KCNK6: variants seen among roughly 807,000 people sequenced by gnomAD.
KCNK6 encodes potassium two pore domain channel subfamily K member 6.
In KCNK6, 20 loss-of-function variants were observed where a neutral mutation model predicts 21.9. That is an observed-to-expected ratio of 0.91 (90% CI 0.64 to 1.32). The LOEUF (loss-of-function observed/expected upper bound fraction) is 1.32, where lower values mean the gene tolerates loss of function less well. Ranked by LOEUF, KCNK6 falls within the 40% of genes most tolerant of loss-of-function variation. KCNK6 has a pLI of 0.00. For synonymous variants in KCNK6, 210 were observed against 218.0 expected (o/e 0.96, Z 0.32); for missense variants, 415 against 433.1 (o/e 0.96, Z 0.37).
Position 38,327,693 on chromosome 19 carries a change from C to A in KCNK6, c.*290C>A. ...TCTCTGGCATTCTCGCTGCCTCTGT[C>A]TTTCCCTCTTGCTGTCTCTGTTTCT... On this transcript the variant is annotated 3_prime_UTR_variant, in exon 3 of 3. Coordinates refer to ENST00000263372, the MANE Select transcript of KCNK6 (RefSeq NM_004823.3). 1 of 472,080 alleles carries A rather than the reference C, an allele frequency of 2.1e-6. No individual in the cohort carries two copies. The highest frequency in any genetic ancestry group is 3.9e-6 in the Non-Finnish European group (1 of 258,806). 29.2% of individuals were successfully genotyped at this position (472,080 alleles called of 1,614,324 possible).
At chr19:38,321,577 C>T (rs1040674189) in intron 1 of KCNK6, among the ~76,000 whole-genome samples, 10 of 152,242 alleles carry the variant, frequency 6.6e-5, no homozygotes, top group Admixed American at 6.5e-5. Context: ...CTCCCCCAGC[C>T]CCTTCTCAGC....
chr19:38,324,214 G>A (rs1286550505), intron 1 of KCNK6, among the ~76,000 whole-genome samples: 1 of 151,976 alleles, frequency 6.6e-6, no homozygotes, highest in Non-Finnish European at 1.5e-5. Context: ...ATAGGAATGA[G>A]CCACCTCACC....
In KCNK6 at chr19:38,326,659, G is replaced by T. The variant is rs1349777360; in HGVS notation, c.389G>T (p.Gly130Val). 5 of 1,609,202 alleles carry T rather than the reference G, an allele frequency of 3.1e-6. No individual in the cohort carries two copies. In the Admixed American group the frequency reaches 6.7e-5, roughly 21 times the overall value. ...TTCTCCATCGCCTTTGCGCTCCTGGGCGTGCCGACCACCATGCTGCTGCTG... is the reference window on the plus strand; with the variant it reads ...TTCTCCATCGCCTTTGCGCTCCTGGTCGTGCCGACCACCATGCTGCTGCTG... ...KAFSIAFALL[G>V]VPTTMLLLTA... Residue 130 changes from glycine to valine, a missense_variant, in exon 2 of 3, where the codon GGC (glycine) becomes GTC (valine). Transcript: ENST00000263372.
chr19:38,326,587 C>G lies in KCNK6; in HGVS notation c.323-6C>G. ...GATTTACCCTTTACTCTCTTTACTC[C>G]CCTAGGCTATGGGTACACAACGCCA... On this transcript the variant is annotated splice_polypyrimidine_tract_variant and splice_region_variant and intron_variant, in intron 1 of 2. Transcript: ENST00000263372. 1 of 1,603,570 alleles carries G rather than the reference C, an allele frequency of 6.2e-7. No individual in the cohort carries two copies. The highest frequency in any genetic ancestry group is 1.1e-5 in the South Asian group (1 of 90,172).
At chr19:38,326,460 A>T in intron 1 of KCNK6, 133 bp from the exon 2 acceptor site, 1 of 1,017,816 alleles carries the variant, frequency 9.8e-7, no homozygotes, top group Non-Finnish European at 1.4e-6. Context: ...CTGAGGTGGT[A>T]GGATCACTTA....
rs1293397766 is a variant in KCNK6 at position 38,330,611 on chromosome 19, A to T, written c.*3208A>T. The T allele has an allele frequency of 6.7e-6, 1 of 149,454 alleles. No individual in the cohort carries two copies. The highest frequency in any genetic ancestry group is 1.5e-5 in the Non-Finnish European group (1 of 67,486). The allele number at this position is 149,454 out of a possible 1,614,324, so 9.3% of individuals were successfully genotyped here. A position where few individuals can be genotyped will look rare whatever the true frequency, so the allele number is the denominator to read the frequency against. On this transcript the variant is annotated 3_prime_UTR_variant, in exon 3 of 3. Transcript: ENST00000263372. ...ATCACTGTACTCCAGCTTGGGTGAC[A>T]GAGCAAGACCCTGTCTCAAAAAAAA...
chr19:38,320,694 G>A (rs1969642013), intron 1 of KCNK6, among the ~76,000 whole-genome samples: 1 of 152,106 alleles, frequency 6.6e-6, no homozygotes, highest in African/African-American at 2.4e-5. Flanking sequence ...GAGTAGCTGG[G>A]ATTACAGGCA....
At position 38,320,182 on chromosome 19, in the gene KCNK6, G is replaced by A. The variant is rs748704283; in HGVS notation, c.232G>A (p.Ala78Thr). Residue 78 changes from alanine (A) to threonine (T), a missense_variant, in exon 1 of 3, where the codon GCT becomes ACT. Ala to Thr is a moderately conservative substitution (Grantham distance 58). Coordinates refer to ENST00000263372, the MANE Select transcript of KCNK6 (RefSeq NM_004823.3). The stretch of plus-strand genomic sequence containing the variant: ...CGGACGGCTGGGGCGGGTCGTGCTT[G>A]CTAACGCTTCGGGGTCCGCCAACGC... ...AAGRLGRVVLANASGSANASD... is the reference protein window; with the variant it reads ...AAGRLGRVVLTNASGSANASD... 4.4e-6 allele frequency: 7 copies of A among 1,600,540 alleles called. No individual in the cohort carries two copies. The highest frequency in any genetic ancestry group is 5.9e-6 in the Non-Finnish European group (7 of 1,179,404).
At chr19:38,324,255 G>C (rs1969683690) in intron 1 of KCNK6, among the ~76,000 whole-genome samples, 1 of 152,084 alleles carries the variant, frequency 6.6e-6, no homozygotes, top group South Asian at 2.1e-4. Context: ...CATGTCATTT[G>C]CAAACCTGCC....
intron 1 of KCNK6, among the ~76,000 whole-genome samples, chr19:38,325,824 C>G (rs1383794536): frequency 6.6e-6 from 1 of 152,102 alleles, no homozygotes; most frequent in African/African-American, 2.4e-5. Context: ...GATGAGGACT[C>G]TTTCCTTTTA....
At chr19:38,324,552 G>A (rs929160826) in intron 1 of KCNK6, among the ~76,000 whole-genome samples, 1 of 152,166 alleles carries the variant, frequency 6.6e-6, no homozygotes, top group African/African-American at 2.4e-5. Context: ...CCAGCAAGAG[G>A]AGGGAGGAAA....
chr19:38,320,406 C>A, intron 1 of KCNK6, 134 bp downstream of exon 1: 1 of 929,568 alleles, frequency 1.1e-6, no homozygotes, highest in Non-Finnish European at 1.6e-6. Context: ...CGAAAAGACC[C>A]CAGTGAGGAC....
intron 1 of KCNK6, among the ~76,000 whole-genome samples, chr19:38,322,984 G>A (rs1482327911): frequency 1.3e-5 from 2 of 151,724 alleles, no homozygotes; most frequent in African/African-American, 4.8e-5. Flanking sequence ...ATGATAGTGC[G>A]TGGCTGTAAT....
chr19:38,326,764 C>A lies in KCNK6; in HGVS notation c.494C>A (p.Pro165His), dbSNP rs530833711. The change falls in exon 2 of 3, where the codon CCC (proline) becomes CAC (histidine). Residue 165 changes from proline (P) to histidine (H), a missense_variant. Coordinates refer to ENST00000263372, the MANE Select transcript of KCNK6 (RefSeq NM_004823.3). ...CTGAGCATGCGTTGGGGCTGGGACC[C>A]CCGGCGGGCGGCCTGCTGGCACTTG... ...SWLSMRWGWD[P>H]RRAACWHLVA... 3 of 1,604,376 alleles carry A rather than the reference C, an allele frequency of 1.9e-6. No individual in the cohort carries two copies. In the East Asian group the frequency reaches 6.7e-5, roughly 36 times the overall value.
rs991410654 is a variant in KCNK6, at chr19:38,328,418, C to T, written c.*1015C>T. 21 of 152,224 alleles carry T rather than the reference C, an allele frequency of 1.4e-4. No homozygotes were observed. Among genetic ancestry groups the T allele is most frequent in the Admixed American group, 1.2e-3 (18 of 15,276 alleles). 9.4% of individuals were successfully genotyped at this position (152,224 alleles called of 1,614,324 possible). A position where few individuals can be genotyped will look rare whatever the true frequency, so the allele number is the denominator to read the frequency against. On this transcript the variant is annotated 3_prime_UTR_variant, in exon 3 of 3. Coordinates refer to ENST00000263372, the MANE Select transcript of KCNK6 (RefSeq NM_004823.3). ...AGCTGTCCACATTTGTATGTTGTGCCCTGGAATCAGCCTGGTTGAGCTCAA... is the reference window on the plus strand; with the variant it reads ...AGCTGTCCACATTTGTATGTTGTGCTCTGGAATCAGCCTGGTTGAGCTCAA...
rs1185541543 is a variant in KCNK6, at chr19:38,331,652, G to A, written c.*4249G>A. On this transcript the variant is annotated 3_prime_UTR_variant, in exon 3 of 3. Coordinates refer to ENST00000263372, the MANE Select transcript of KCNK6 (RefSeq NM_004823.3). The stretch of plus-strand genomic sequence containing the variant: ...AAAAAAAAAAAAAAGAAAAAAGTGT[G>A]TGCTAAAAAATTCATCAGGTACTAA... 6.6e-6 allele frequency: 1 copy of A among 151,832 alleles called. No individual in the cohort carries two copies. The highest frequency in any genetic ancestry group is 1.9e-4 in the East Asian group (1 of 5,180). The allele number at this position is 151,832 out of a possible 1,614,324, so 9.4% of individuals were successfully genotyped here. A position where few individuals can be genotyped will look rare whatever the true frequency, so the allele number is the denominator to read the frequency against.
At chr19:38,325,595 C>G in intron 1 of KCNK6, 1 of 951,882 alleles carries the variant, frequency 1.1e-6, no homozygotes, top group South Asian at 4.8e-5. Flanking sequence ...ATAGAGCATG[C>G]TAGAAGGTGT....
chr19:38,321,434 C>T (rs1020485323), intron 1 of KCNK6, among the ~76,000 whole-genome samples: 2 of 152,244 alleles, frequency 1.3e-5, no homozygotes, highest in Non-Finnish European at 2.9e-5. Context: ...CCTGTTCCCT[C>T]TGGACCTGGG....
rs1969743272 is a variant in KCNK6, at chr19:38,328,912, A to AAGAT, written c.*1509_*1510insAGAT. On this transcript the variant is annotated 3_prime_UTR_variant, in exon 3 of 3. Coordinates refer to ENST00000263372, the MANE Select transcript of KCNK6 (RefSeq NM_004823.3). ...AGAAAGAAAGAAAGGGAAAGATGGAAGGAAGGAAGGAAAAAGAAAGAGAAA... is the reference window on the plus strand; with the variant it reads ...AGAAAGAAAGAAAGGGAAAGATGGAAAGATGGAAGGAAGGAAAAAGAAAGAGAAA... 1 of 123,768 alleles carries AAGAT rather than the reference A, an allele frequency of 8.1e-6. No homozygotes were observed. Among genetic ancestry groups the AAGAT allele is most frequent in the Non-Finnish European group, 1.9e-5 (1 of 53,036 alleles). The allele number at this position is 123,768 out of a possible 1,614,324, so 7.7% of individuals were successfully genotyped here. A position where few individuals can be genotyped will look rare whatever the true frequency, so the allele number is the denominator to read the frequency against.
Sources: allele counts gnomAD v4.1 joint callset (sites outside exome capture counted in the v4.1 genomes callset), GRCh38; gene constraint gnomAD v4.1.1; transcripts MANE v1.5; gene names NCBI Gene and HGNC (gene_info 2026-07-23, HGNC 2026-07-21).